Variants in DOCK2 observed in about 807,000 individuals in gnomAD.
DOCK2 encodes the protein dedicator of cytokinesis 2.
A neutral mutation model predicts 248.9 loss-of-function variants in DOCK2; 87 were observed. That is an observed-to-expected ratio of 0.35 (90% CI 0.29 to 0.42). DOCK2 has a LOEUF of 0.42. DOCK2 is among the 10% of genes least tolerant of loss of function. DOCK2 has a pLI of 1.00. For synonymous variants in DOCK2, 805 were observed against 821.6 expected (o/e 0.98, Z 0.35); for missense variants, 1,747 against 2,300.2 (o/e 0.76, Z 4.92).
intron 27 of DOCK2, among the ~76,000 whole-genome samples, chr5:169,856,375 G>A (rs1471229468): frequency 2.6e-5 from 4 of 152,178 alleles, no homozygotes; most frequent in Non-Finnish European, 5.9e-5. Context: ...ACCTCACCTG[G>A]CAGAGATAAG....
At chr5:169,875,010 T>C (rs1376578179) in intron 27 of DOCK2, among the ~76,000 whole-genome samples, 1 of 152,074 alleles carries the variant, frequency 6.6e-6, no homozygotes, top group Non-Finnish European at 1.5e-5. Context: ...TATATGATCA[T>C]CTAACCCTAA....
rs145478987 is a variant in DOCK2 at position 169,908,437 on chromosome 5, C to T, written c.2799+67585C>T. 4.6e-5 allele frequency among the ~76,000 whole-genome samples: 7 copies of T among 152,292 alleles called. 1 individual carries two copies. The highest frequency in any genetic ancestry group is 1.7e-4 in the African/African-American group (7 of 41,572). ...CATGTTTTAAAACTAATCCCCAAAT[C>T]ATGACATTTGGTCTTCTGAATATGG... is the stretch of plus-strand genomic sequence containing the variant. On this transcript the variant is annotated intron_variant, in intron 27 of 51. Coordinates refer to ENST00000520908, the MANE Select transcript of DOCK2 (RefSeq NM_004946.3).
intron 26 of DOCK2, among the ~76,000 whole-genome samples, chr5:169,828,492 T>C (rs1340034324): frequency 6.6e-6 from 1 of 152,118 alleles, no homozygotes; most frequent in East Asian, 1.9e-4. Context: ...AGACCTTTGA[T>C]TTGGGGAAAC....
chr5:170,055,543 T>G (rs1273268108), intron 42 of DOCK2, among the ~76,000 whole-genome samples, 157 bp downstream of exon 42: 2 of 152,214 alleles, frequency 1.3e-5, no homozygotes, highest in African/African-American at 4.8e-5. Context: ...AGAATCACCC[T>G]CCAATTAGCT....
At chr5:169,970,961 G>A (rs1329484469) in intron 27 of DOCK2, among the ~76,000 whole-genome samples, 1 of 152,092 alleles carries the variant, frequency 6.6e-6, no homozygotes, top group African/African-American at 2.4e-5. Flanking sequence ...CAGTCAGGGA[G>A]CCATCCTCTC....
At chr5:169,728,123 A>G (rs1040581189) in intron 22 of DOCK2, among the ~76,000 whole-genome samples, 2 of 152,240 alleles carry the variant, frequency 1.3e-5, no homozygotes, top group African/African-American at 4.8e-5. Context: ...GGGCCAAGCC[A>G]GATGATCTGA....
chr5:170,010,171 G>T (rs1755230943), intron 32 of DOCK2, among the ~76,000 whole-genome samples: 2 of 152,042 alleles, frequency 1.3e-5, no homozygotes, highest in Admixed American at 1.3e-4. Flanking sequence ...TGTTCTCCCT[G>T]GCCTCTACCC....
intron 14 of DOCK2, among the ~76,000 whole-genome samples, chr5:169,704,551 GT>G (rs1761141455): frequency 6.6e-6 from 1 of 152,158 alleles, no homozygotes; most frequent in Non-Finnish European, 1.5e-5. Context: ...TCTTAGGCAA[GT>G]TTATTCATGT....
chr5:169,935,536 G>A (rs903092652), intron 27 of DOCK2, among the ~76,000 whole-genome samples: 2 of 152,196 alleles, frequency 1.3e-5, no homozygotes, highest in South Asian at 2.1e-4. Context: ...ATCAGGTCAA[G>A]GTTTGGGAGA....
intron 46 of DOCK2, among the ~76,000 whole-genome samples, chr5:170,070,924 A>T (rs1757658322): frequency 6.6e-6 from 1 of 152,230 alleles, no homozygotes; most frequent in South Asian, 2.1e-4. Context: ...AGGCTTTGAA[A>T]GCATGTACTC....
chr5:170,041,587 G>A (rs528641600), intron 37 of DOCK2, among the ~76,000 whole-genome samples: 1 of 152,270 alleles, frequency 6.6e-6, no homozygotes, highest in South Asian at 2.1e-4. Flanking sequence ...TAAGATAAGT[G>A]CAACTCAACA....
At position 169,675,168 on chromosome 5, in the gene DOCK2, C is replaced by T. The variant is rs115070098; in HGVS notation, c.470+723C>T. On this transcript the variant is annotated intron_variant, in intron 6 of 51. Transcript: ENST00000520908. ...AGGGTAGGTAACTTGTCCAGAGTCG[C>T]GCAGCTAGTAAATGACAGAATCTGA... 9.6e-3 allele frequency among the ~76,000 whole-genome samples: 1,464 copies of T among 152,232 alleles called. 22 individuals carry two copies. The highest frequency in any genetic ancestry group is 0.033 in the African/African-American group (1,360 of 41,516).
At chr5:169,901,368 G>A (rs530550145) in intron 27 of DOCK2, among the ~76,000 whole-genome samples, 1 of 152,280 alleles carries the variant, frequency 6.6e-6, no homozygotes, top group East Asian at 1.9e-4. Context: ...GCCACATTAA[G>A]TCTTTTGGTT....
intron 27 of DOCK2, among the ~76,000 whole-genome samples, chr5:169,847,728 G>GA (rs1770397180): frequency 6.6e-6 from 1 of 152,200 alleles, no homozygotes; most frequent in South Asian, 2.1e-4. Context: ...GCTGATTGGG[G>GA]ATGGCTGCCT....
At chr5:170,038,261 C>T (rs978551864) in intron 36 of DOCK2, among the ~76,000 whole-genome samples, 1 of 152,114 alleles carries the variant, frequency 6.6e-6, no homozygotes, top group African/African-American at 2.4e-5. Context: ...TGGTTTCCTC[C>T]CTCCAACCTT....
chr5:170,026,794 A>G (rs561411568), intron 33 of DOCK2, among the ~76,000 whole-genome samples: 73 of 152,314 alleles, frequency 4.8e-4, no homozygotes, highest in Non-Finnish European at 5.4e-4. Context: ...GGAACTGTAA[A>G]TGGATACTTG....
chr5:169,971,168 T>G (rs1581487642), intron 27 of DOCK2, among the ~76,000 whole-genome samples: 6 of 143,088 alleles, frequency 4.2e-5, no homozygotes, highest in South Asian at 2.2e-4. Flanking sequence ...AGGCAAGAGG[T>G]GAACAGAGGG....
chr5:169,704,366 C>T (rs1391745717), intron 14 of DOCK2, among the ~76,000 whole-genome samples: 1 of 152,190 alleles, frequency 6.6e-6, no homozygotes, highest in Non-Finnish European at 1.5e-5. Context: ...TGCATGCACA[C>T]TGTCTTTGGC....
In DOCK2 at chr5:169,761,653, G is replaced by C. The variant is rs755847618; in HGVS notation, c.2554+28G>C. On this transcript the variant is annotated intron_variant, in intron 25 of 51. Transcript: ENST00000520908. ...GAGTACACAGCACCCTTGCTGGGGTGGGGTAAGGGGCCAATAAACCCCACA... is the reference window on the plus strand; with the variant it reads ...GAGTACACAGCACCCTTGCTGGGGTCGGGTAAGGGGCCAATAAACCCCACA... The C allele has an allele frequency of 3.1e-6, 5 of 1,596,072 alleles. No individual in the cohort carries two copies. In the Admixed American group the frequency reaches 5.0e-5, roughly 16 times the overall value.
Sources: gnomAD v4.1 joint callset for allele counts (sites outside exome capture counted in the v4.1 genomes callset) on GRCh38, gnomAD v4.1.1 for gene constraint, MANE v1.5 for transcripts, NCBI Gene and HGNC (gene_info 2026-07-23, HGNC 2026-07-21) for gene names.